Variants in KLHL3 observed in about 807,000 individuals in gnomAD.
KLHL3 encodes the protein kelch like family member 3, also known as kelch-like protein 3.
Under a neutral mutation model 70.5 loss-of-function variants are expected in KLHL3, and 19 were observed. That is an observed-to-expected ratio of 0.27 (90% CI 0.19 to 0.40). The LOEUF is 0.40. KLHL3 is among the 10% of genes least tolerant of loss of function. The probability of loss-of-function intolerance (pLI) is 1.00; values close to 1 mark genes in which losing one functional copy is unlikely to be tolerated. For synonymous variants in KLHL3, 258 were observed against 290.3 expected (o/e 0.89, Z 1.13); for missense variants, 512 against 771.1 (o/e 0.66, Z 3.98).
chr5:137,705,950 T>A lies in KLHL3; in HGVS notation c.241+3800A>T, dbSNP rs1018366255. The stretch of plus-strand genomic sequence containing the variant: ...AGCACTACTGGCCTCCCCACTCAAG[T>A]TATGCTGAAAGCAGTAAAGGGCAAA... On this transcript the variant is annotated intron_variant, in intron 3 of 14. Transcript: ENST00000309755. 4 of 924,220 alleles carry A rather than the reference T, an allele frequency of 4.3e-6. No homozygotes were observed. The Admixed American group carries it at 1.9e-4, about 43-fold the overall frequency. 57.3% of individuals were successfully genotyped at this position (924,220 alleles called of 1,614,324 possible).
chr5:137,628,694 AAAATAT>A, intron 12 of KLHL3: 1 of 246,552 alleles, frequency 4.1e-6, no homozygotes, highest in Non-Finnish European at 7.5e-6. Flanking sequence ...AAAACATTAA[AAAATAT>A]ATATATATAT....
Position 137,712,943 on chromosome 5 carries a change from G to GT in KLHL3, c.135-3088dup, listed in dbSNP as rs199728676. Among the ~76,000 whole-genome samples, 131 of 151,588 alleles carry GT rather than the reference G, an allele frequency of 8.6e-4. No individual in the cohort carries two copies. The East Asian group carries it at 0.021, about 24-fold the overall frequency. On this transcript the variant is annotated intron_variant, in intron 2 of 14. Coordinates refer to ENST00000309755, the MANE Select transcript of KLHL3 (RefSeq NM_017415.3). ...TTTGAAAAAAAATTTTAAAAAAATG[G>GT]TTTTTTTTCAATTGTCTGCTTCACT...
chr5:137,724,782 T>C (rs1471879516), intron 1 of KLHL3, among the ~76,000 whole-genome samples: 1 of 152,164 alleles, frequency 6.6e-6, no homozygotes, highest in Non-Finnish European at 1.5e-5. Context: ...TTGGCAACTC[T>C]AACCTTCCAG....
At chr5:137,711,581 C>T (rs936712213) in intron 2 of KLHL3, among the ~76,000 whole-genome samples, 1 of 152,180 alleles carries the variant, frequency 6.6e-6, no homozygotes, top group South Asian at 2.1e-4. Flanking sequence ...GGGATTGAGA[C>T]CTTACCCTGC....
chr5:137,709,691 A>C, intron 3 of KLHL3, 59 bp downstream of exon 3: 1 of 1,351,250 alleles, frequency 7.4e-7, no homozygotes, highest in Non-Finnish European at 1.1e-6. Flanking sequence ...CACCCCCAAC[A>C]TTCTCCCAGT....
intron 8 of KLHL3, among the ~76,000 whole-genome samples, chr5:137,642,110 C>T (rs193024183): frequency 5.2e-4 from 79 of 152,288 alleles, no homozygotes; most frequent in African/African-American, 1.8e-3. Context: ...ATGACATGTT[C>T]GTAAATATGC....
At chr5:137,636,422 G>A in intron 11 of KLHL3, among the ~76,000 whole-genome samples, 1 of 152,220 alleles carries the variant, frequency 6.6e-6, no homozygotes, top group East Asian at 1.9e-4. Context: ...TGATGAATCA[G>A]TGTTGTCCTG....
chr5:137,703,943 G>A (rs1337827551), intron 3 of KLHL3, among the ~76,000 whole-genome samples: 2 of 151,018 alleles, frequency 1.3e-5, no homozygotes, highest in African/African-American at 2.4e-5. Flanking sequence ...AAACTATGAC[G>A]TGCTCTACAA....
chr5:137,638,153 C>G (rs1422723832), intron 10 of KLHL3, among the ~76,000 whole-genome samples: 2 of 152,164 alleles, frequency 1.3e-5, no homozygotes, highest in Non-Finnish European at 2.9e-5. Flanking sequence ...AACAATGCAC[C>G]ACTACCCTTT....
intron 5 of KLHL3, among the ~76,000 whole-genome samples, chr5:137,687,287 TG>T (rs1363059604): frequency 4.3e-5 from 1 of 23,318 alleles, no homozygotes; most frequent in Non-Finnish European, 7.4e-5. Context: ...GGGAGGGAGG[TG>T]GGGGGGTCAG....
At position 137,725,145 on chromosome 5, in the gene KLHL3, A is replaced by G. The variant is rs116676206; in HGVS notation, c.15-4561T>C. On this transcript the variant is annotated intron_variant, in intron 1 of 14. Coordinates refer to ENST00000309755, the MANE Select transcript of KLHL3 (RefSeq NM_017415.3). The stretch of plus-strand genomic sequence containing the variant: ...CCAATCCCAAGCATTCTCAGTTCTT[A>G]TTTCCAAATAAGGCTAGTGGATCCC... 3.2e-3 allele frequency: 2,409 copies of G among 741,504 alleles called. 52 individuals are homozygous for G. The African/African-American group carries it at 0.042, about 13-fold the overall frequency. The allele number at this position is 741,504 out of a possible 1,614,324, so 45.9% of individuals were successfully genotyped here.
At chr5:137,710,471 CTGTT>C (rs1752771586) in intron 2 of KLHL3, among the ~76,000 whole-genome samples, 1 of 152,164 alleles carries the variant, frequency 6.6e-6, no homozygotes, top group South Asian at 2.1e-4. Flanking sequence ...AATTACCTTT[CTGTT>C]TGTCACCCCA....
chr5:137,731,347 AT>A (rs1561623157), intron 1 of KLHL3, among the ~76,000 whole-genome samples: 2 of 152,226 alleles, frequency 1.3e-5, no homozygotes, highest in African/African-American at 4.8e-5. Flanking sequence ...AGAATTTTCT[AT>A]CCCTGACTTC....
intron 8 of KLHL3, among the ~76,000 whole-genome samples, chr5:137,650,954 A>G (rs1231324989): frequency 6.6e-6 from 1 of 152,214 alleles, no homozygotes; most frequent in African/African-American, 2.4e-5. Context: ...CAGGAACGAC[A>G]ACTGGATTCA....
chr5:137,667,150 G>A (rs940896328), intron 6 of KLHL3, among the ~76,000 whole-genome samples: 3 of 152,138 alleles, frequency 2.0e-5, no homozygotes, highest in South Asian at 2.1e-4. Context: ...CACACTCATC[G>A]TTTACATATT....
chr5:137,674,381 G>T (rs1751834800), intron 6 of KLHL3, among the ~76,000 whole-genome samples: 1 of 152,260 alleles, frequency 6.6e-6, no homozygotes, highest in East Asian at 1.9e-4. Context: ...TTCTCAGCTT[G>T]TTTAAGTAGG....
chr5:137,698,447 T>C, intron 3 of KLHL3, 39 bp from the exon 4 acceptor site: 1 of 1,611,986 alleles, frequency 6.2e-7, no homozygotes, highest in Non-Finnish European at 8.5e-7. Context: ...ATAAATGTGG[T>C]ACCTGGGATA....
intron 8 of KLHL3, among the ~76,000 whole-genome samples, chr5:137,657,401 C>T (rs530771916): frequency 1.1e-4 from 16 of 152,168 alleles, no homozygotes; most frequent in Non-Finnish European, 1.9e-4. Context: ...TGGTGCCACA[C>T]CAGACAGGAC....
At chr5:137,637,826 A>G (rs1750808753) in intron 10 of KLHL3, among the ~76,000 whole-genome samples, 2 of 152,204 alleles carry the variant, frequency 1.3e-5, no homozygotes, top group African/African-American at 4.8e-5. Flanking sequence ...GACCAAGTCA[A>G]TGAGACCTAA....
Sources: gnomAD v4.1 joint callset for allele counts (sites outside exome capture counted in the v4.1 genomes callset) on GRCh38, gnomAD v4.1.1 for gene constraint, MANE v1.5 for transcripts, NCBI Gene and HGNC (gene_info 2026-07-23, HGNC 2026-07-21) for gene names.